ITCH: variants seen among roughly 807,000 people sequenced by gnomAD.
ITCH encodes the protein itchy E3 ubiquitin protein ligase.
Under a neutral mutation model 126.8 loss-of-function variants are expected in ITCH, and 28 were observed. That is an observed-to-expected ratio of 0.22 (90% CI 0.16 to 0.30). ITCH has a LOEUF of 0.30. ITCH is among the 10% of genes least tolerant of loss of function. The pLI is 1.00. For missense variants in ITCH, 631 were observed against 1,032.4 expected (o/e 0.61, Z 5.33); for synonymous variants, 342 against 340.0 (o/e 1.01, Z -0.06).
chr20:34,413,781 A>G lies in ITCH; in HGVS notation c.377A>G (p.Lys126Arg). 11 of 1,612,504 alleles carry G rather than the reference A, an allele frequency of 6.8e-6. No individual in the cohort carries two copies. The highest frequency in any genetic ancestry group is 2.2e-5 in the South Asian group (2 of 90,854). The stretch of plus-strand genomic sequence containing the variant: ...GTGACTTTGCAGCTTGGAGGTGACA[A>G]AGAGCCAACAGAGACAATAGGAGAC... Reference protein sequence around the residue: ...VVVTLQLGGDKEPTETIGDLS... With the variant: ...VVVTLQLGGDREPTETIGDLS... The change falls in exon 6 of 25, where the codon AAA becomes AGA. Residue 126 changes from lysine to arginine, a missense_variant. Physicochemically the swap from Lys to Arg is conservative, Grantham distance 26 (BLOSUM62 2). This residue lies in a region of ITCH where 220 missense variants were observed against 265.7 expected (regional missense o/e 0.83). Coordinates refer to ENST00000374864, the MANE Select transcript of ITCH (RefSeq NM_031483.7).
At chr20:34,375,333 A>G (rs980442292) in intron 2 of ITCH, among the ~76,000 whole-genome samples, 2 of 135,490 alleles carry the variant, frequency 1.5e-5, no homozygotes, top group African/African-American at 2.8e-5. Flanking sequence ...GAGCCACCGC[A>G]CCTGGCCTTT....
chr20:34,414,185 A>G (rs1422977181), intron 6 of ITCH, among the ~76,000 whole-genome samples: 2 of 151,888 alleles, frequency 1.3e-5, no homozygotes, highest in East Asian at 3.9e-4. Context: ...TTTTTAAAAA[A>G]TAGACATTGA....
chr20:34,382,368 TACTC>T (rs990018499), intron 2 of ITCH, among the ~76,000 whole-genome samples: 1 of 152,216 alleles, frequency 6.6e-6, no homozygotes, highest in East Asian at 1.9e-4. Flanking sequence ...ATATACATAT[TACTC>T]AGTGACTCAG....
At chr20:34,435,157 GGTTT>G (rs1306801871) in intron 7 of ITCH, among the ~76,000 whole-genome samples, 9 of 146,906 alleles carry the variant, frequency 6.1e-5, no homozygotes, top group Admixed American at 4.1e-4. Flanking sequence ...GTGATTTTTT[GGTTT>G]GTTTGTTTTT....
At chr20:34,369,225 C>T (rs1259207616) in intron 1 of ITCH, among the ~76,000 whole-genome samples, 169 bp from the exon 2 acceptor site, 1 of 152,120 alleles carries the variant, frequency 6.6e-6, no homozygotes, top group Non-Finnish European at 1.5e-5. Flanking sequence ...CCCAGCTACT[C>T]AGGAGGCTGA....
At chr20:34,470,875 A>T (rs955396522) in intron 15 of ITCH, among the ~76,000 whole-genome samples, 3 of 152,240 alleles carry the variant, frequency 2.0e-5, no homozygotes, top group Non-Finnish European at 4.4e-5. Flanking sequence ...ATAAACCAGC[A>T]TGCCCGGACA....
intron 14 of ITCH, among the ~76,000 whole-genome samples, chr20:34,464,963 G>A (rs1986914534): frequency 6.6e-6 from 1 of 152,148 alleles, no homozygotes; most frequent in South Asian, 2.1e-4. Flanking sequence ...CACCCCCTCA[G>A]CCTCCCAAAG....
intron 14 of ITCH, among the ~76,000 whole-genome samples, chr20:34,463,660 G>A: frequency 6.7e-6 from 1 of 148,468 alleles, no homozygotes; most frequent in African/African-American, 2.5e-5. Context: ...CATCCTTAAT[G>A]TCGTATTTCA....
At chr20:34,445,796 C>T (rs549578218) in intron 11 of ITCH, among the ~76,000 whole-genome samples, 2 of 152,122 alleles carry the variant, frequency 1.3e-5, no homozygotes, top group East Asian at 3.9e-4. Flanking sequence ...TTTACTAGTG[C>T]CTTGGGTCTA....
At chr20:34,397,032 T>G (rs530912136) in intron 3 of ITCH, among the ~76,000 whole-genome samples, 1 of 152,122 alleles carries the variant, frequency 6.6e-6, no homozygotes, top group South Asian at 2.1e-4. Context: ...TTGTTTTTTT[T>G]TGTTTGTTTT....
chr20:34,391,242 A>G (rs551769852), intron 2 of ITCH, among the ~76,000 whole-genome samples: 120 of 152,342 alleles, frequency 7.9e-4, no homozygotes, highest in Non-Finnish European at 1.5e-3. Context: ...AATACATACA[A>G]AACTACAGTT....
chr20:34,476,536 T>TC, intron 16 of ITCH: 1 of 978,802 alleles, frequency 1.0e-6, no homozygotes, highest in Non-Finnish European at 1.3e-6. Context: ...GTGACATTTC[T>TC]CATTTGCGTT....
intron 17 of ITCH, among the ~76,000 whole-genome samples, chr20:34,478,881 A>T (rs530333186): frequency 2.4e-4 from 36 of 152,312 alleles, no homozygotes; most frequent in Admixed American, 1.7e-3. Context: ...ATAAGAAAAT[A>T]AACTAGCAAT....
chr20:34,382,736 A>T lies in ITCH; in HGVS notation c.-21-11055A>T, dbSNP rs1352790221. ...AATTCTTTTTATTATTACTATTATT[A>T]TTATTATTATTATTATTATTATTTT... is the stretch of plus-strand genomic sequence containing the variant. On this transcript the variant is annotated intron_variant, in intron 2 of 24. Coordinates refer to ENST00000374864, the MANE Select transcript of ITCH (RefSeq NM_031483.7). Among the ~76,000 whole-genome samples, 4 of 144,946 alleles carry T rather than the reference A, an allele frequency of 2.8e-5. No homozygotes were observed. The Admixed American group carries it at 2.8e-4, about 10-fold the overall frequency.
At chr20:34,395,645 T>G (rs1207340792) in intron 3 of ITCH, among the ~76,000 whole-genome samples, 1 of 152,214 alleles carries the variant, frequency 6.6e-6, no homozygotes, top group Non-Finnish European at 1.5e-5. Context: ...AGGCAACTCC[T>G]GATCTTTCTG....
intron 13 of ITCH, 60 bp downstream of exon 13, chr20:34,457,534 C>G: frequency 6.2e-6 from 7 of 1,134,180 alleles, no homozygotes; most frequent in Non-Finnish European, 9.2e-6. Context: ...TTTCTAACAA[C>G]TGAAGAAGAT....
At chr20:34,368,003 G>T (rs1304568879) in intron 1 of ITCH, among the ~76,000 whole-genome samples, 1 of 152,192 alleles carries the variant, frequency 6.6e-6, no homozygotes, top group Non-Finnish European at 1.5e-5. Context: ...GGGCGCGGTG[G>T]CTCATGCCTG....
At chr20:34,491,898 G>A in intron 22 of ITCH, among the ~76,000 whole-genome samples, 1 of 152,044 alleles carries the variant, frequency 6.6e-6, no homozygotes, top group East Asian at 1.9e-4. Context: ...CTGTGAGTTT[G>A]ATTAAAGTTG....
rs749003034 is a variant in ITCH at position 34,481,111 on chromosome 20, T to C, written c.1998T>C (p.Val666=). The part of the protein sequence containing the change: ...EECDLEMYFS[V]DKEILGEIKS... ...GTGATTTGGAAATGTACTTCTCCGT[T>C]GACAAAGAAATTCTAGGTGAAATTA... Residue 666 remains valine, a synonymous_variant, in exon 20 of 25, where the codon GTT becomes GTC. Coordinates refer to ENST00000374864, the MANE Select transcript of ITCH (RefSeq NM_031483.7). 98 of 1,613,400 alleles carry C rather than the reference T, an allele frequency of 6.1e-5. 1 individual carries two copies. The highest frequency in any genetic ancestry group is 4.9e-4 in the Middle Eastern group (3 of 6,074).
Sources: gnomAD v4.1 joint callset for allele counts (sites outside exome capture counted in the v4.1 genomes callset) on GRCh38, gnomAD v4.1.1 for gene constraint, gnomAD v4.1.1 regional missense constraint, MANE v1.5 for transcripts, NCBI Gene and HGNC (gene_info 2026-07-23, HGNC 2026-07-21) for gene names.